CADPS: variants seen among roughly 807,000 people sequenced by gnomAD.
The protein encoded by CADPS is calcium dependent secretion activator, also known as calcium-dependent secretion activator 1.
In CADPS, 57 loss-of-function variants were observed where a neutral mutation model predicts 167.3. That is an observed-to-expected ratio of 0.34 (90% CI 0.28 to 0.42). The LOEUF (loss-of-function observed/expected upper bound fraction) is 0.42. Among genes scored for constraint, CADPS ranks in the 20% least tolerant of loss-of-function variants. The pLI is 1.00. For missense variants in CADPS, 1,414 were observed against 1,738.1 expected, an observed-to-expected ratio of 0.81 and a Z score of 3.32; for synonymous variants, 676 against 635.3, an observed-to-expected ratio of 1.06 and a Z score of -0.96.
At chr3:62,666,457 C>T (rs944032411) in intron 3 of CADPS, among the ~76,000 whole-genome samples, 10 of 152,080 alleles carry the variant, frequency 6.6e-5, no homozygotes, top group Non-Finnish European at 1.3e-4. Flanking sequence ...CTGTTTATTG[C>T]GCTGGTCTTT....
intron 3 of CADPS, among the ~76,000 whole-genome samples, chr3:62,705,759 C>T (rs36036880): frequency 0.079 from 12,048 of 152,068 alleles, 620 homozygotes; most frequent in Non-Finnish European, 0.12. Flanking sequence ...TGGGACCTCA[C>T]CTTTGTGATT....
intron 6 of CADPS, among the ~76,000 whole-genome samples, chr3:62,622,866 G>A (rs549706348): frequency 3.9e-5 from 6 of 152,250 alleles, no homozygotes; most frequent in East Asian, 3.9e-4. Flanking sequence ...TTAATCCTGC[G>A]CTTCCAAGTA....
intron 1 of CADPS, among the ~76,000 whole-genome samples, chr3:62,826,423 G>A (rs765061630): frequency 3.9e-5 from 6 of 152,024 alleles, no homozygotes; most frequent in African/African-American, 1.4e-4. Context: ...ACATGTTATT[G>A]TTGGGGAAAA....
At chr3:62,538,599 C>T (rs938786589) in intron 11 of CADPS, among the ~76,000 whole-genome samples, 3 of 152,124 alleles carry the variant, frequency 2.0e-5, no homozygotes, top group African/African-American at 7.2e-5. Flanking sequence ...TTCTTGCTCT[C>T]GGGTTTCTCA....
At chr3:62,718,170 A>T (rs1222780178) in intron 3 of CADPS, among the ~76,000 whole-genome samples, 1 of 152,050 alleles carries the variant, frequency 6.6e-6, no homozygotes, top group Non-Finnish European at 1.5e-5. Flanking sequence ...CATGTTTATT[A>T]TCTGTGCTTT....
intron 1 of CADPS, among the ~76,000 whole-genome samples, chr3:62,849,940 T>C (rs1333982085): frequency 8.4e-6 from 1 of 118,582 alleles, no homozygotes; most frequent in East Asian, 2.4e-4. Context: ...TATTGATTAT[T>C]GCCACAATTT....
rs756980632 is a variant in CADPS at position 62,491,545 on chromosome 3, A to ACT, written c.2885-66_2885-65insAG. On this transcript the variant is annotated intron_variant, in intron 20 of 29. Coordinates refer to ENST00000383710, the MANE Select transcript of CADPS (RefSeq NM_003716.4). ...TACTTTATCAACGTACAACACACACACACACACACACAAACACACACACAC... is the reference window on the plus strand; with the variant it reads ...TACTTTATCAACGTACAACACACACACTCACACACACACAAACACACACACAC... The ACT allele has an allele frequency of 1.7e-3, 1,903 of 1,128,504 alleles. 16 individuals are homozygous for ACT. In the African/African-American group the frequency reaches 0.032, roughly 19 times the overall value. 69.9% of individuals were successfully genotyped at this position (1,128,504 alleles called of 1,614,324 possible).
intron 4 of CADPS, among the ~76,000 whole-genome samples, chr3:62,656,219 C>G (rs937364156): frequency 8.5e-5 from 13 of 152,132 alleles, no homozygotes; most frequent in African/African-American, 3.1e-4. Flanking sequence ...CCTACCACCA[C>G]CACTACAAAC....
intron 3 of CADPS, among the ~76,000 whole-genome samples, chr3:62,671,452 C>T (rs1033738719): frequency 6.6e-6 from 1 of 152,002 alleles, no homozygotes; most frequent in Non-Finnish European, 1.5e-5. Context: ...AGGAAGCAGG[C>T]GGTTTTGTGA....
intron 1 of CADPS, among the ~76,000 whole-genome samples, chr3:62,867,047 T>C (rs1174023561): frequency 6.6e-6 from 1 of 152,072 alleles, no homozygotes; most frequent in Non-Finnish European, 1.5e-5. Context: ...TGAACATATA[T>C]ATATATGCTT....
chr3:62,446,437 T>G lies in CADPS; in HGVS notation c.3637-640A>C, dbSNP rs2057239433. Among the ~76,000 whole-genome samples the G allele has an allele frequency of 6.6e-6, 1 of 151,866 alleles. No individual in the cohort carries two copies. Among genetic ancestry groups the G allele is most frequent in the African/African-American group, 2.4e-5 (1 of 41,310 alleles). On this transcript the variant is annotated intron_variant, in intron 26 of 29. Transcript: ENST00000383710. This position sits in a 1 kb window ranked among gnomAD's most constrained non-coding sequence, Gnocchi z 4.9. ...GAGGGAGTATGGTAGCGTGCTAGAG[T>G]GTTATGTTTGAGAGCATGAAGTTTG...
chr3:62,783,779 T>C (rs1276981779), intron 1 of CADPS, among the ~76,000 whole-genome samples: 4 of 152,202 alleles, frequency 2.6e-5, no homozygotes, highest in African/African-American at 9.6e-5. Flanking sequence ...GAGAATAGCT[T>C]TAGATACTGT....
intron 3 of CADPS, among the ~76,000 whole-genome samples, chr3:62,726,270 G>A (rs2076727328): frequency 6.6e-6 from 1 of 151,852 alleles, no homozygotes; most frequent in Non-Finnish European, 1.5e-5. Context: ...GCACAAAGAT[G>A]TCCACTTTAG....
chr3:62,764,487 G>T (rs955156269), intron 2 of CADPS, among the ~76,000 whole-genome samples: 4 of 152,162 alleles, frequency 2.6e-5, no homozygotes, highest in African/African-American at 9.7e-5. Flanking sequence ...TGAAGAAAAT[G>T]GTGTAAAAGG....
intron 21 of CADPS, among the ~76,000 whole-genome samples, chr3:62,488,080 G>A (rs1427906393): frequency 6.6e-6 from 1 of 152,218 alleles, no homozygotes; most frequent in Non-Finnish European, 1.5e-5. Context: ...GTGTATGTAT[G>A]TATTGGAAGA....
chr3:62,811,725 G>C (rs1381305474), intron 1 of CADPS, among the ~76,000 whole-genome samples: 1 of 152,166 alleles, frequency 6.6e-6, no homozygotes, highest in East Asian at 1.9e-4. Context: ...GCAAGGGCTG[G>C]TGCGTATTAA....
chr3:62,551,786 T>C (rs548992774), intron 10 of CADPS, among the ~76,000 whole-genome samples: 1 of 152,278 alleles, frequency 6.6e-6, no homozygotes, highest in Non-Finnish European at 1.5e-5. Context: ...ATTGCTTTTC[T>C]CTGTGCCTGG....
At chr3:62,607,602 G>A (rs2060866128) in intron 6 of CADPS, among the ~76,000 whole-genome samples, 1 of 152,226 alleles carries the variant, frequency 6.6e-6, no homozygotes, top group Admixed American at 6.5e-5. Flanking sequence ...CTCAGGGATA[G>A]CCATTCAGGG....
intron 3 of CADPS, among the ~76,000 whole-genome samples, chr3:62,718,217 A>G (rs1300236934): frequency 2.0e-5 from 3 of 152,104 alleles, no homozygotes; most frequent in Non-Finnish European, 2.9e-5. Flanking sequence ...CCAAGAACCC[A>G]TTTATCACCT....
Sources: allele counts gnomAD v4.1 joint callset (sites outside exome capture counted in the v4.1 genomes callset), GRCh38; gene constraint gnomAD v4.1.1; non-coding constraint Gnocchi (gnomAD v3.1); transcripts MANE v1.5; gene names NCBI Gene and HGNC (gene_info 2026-07-23, HGNC 2026-07-21).